Variants in STK32A observed in about 807,000 individuals in gnomAD.
STK32A encodes the protein serine/threonine-protein kinase 32A.
A neutral mutation model predicts 53.2 loss-of-function variants in STK32A; 41 were observed. The ratio of observed to expected loss-of-function variants is 0.77; its 90% CI spans 0.60 to 1.00. The LOEUF (loss-of-function observed/expected upper bound fraction) is 1.00. STK32A is among the 50% of genes least tolerant of loss of function. The pLI is 0.00. For synonymous variants in STK32A, 166 were observed against 162.8 expected (o/e 1.02, Z -0.15); for missense variants, 458 against 485.8 (o/e 0.94, Z 0.54).
At chr5:147,268,120 T>C (rs1343935660) in intron 2 of STK32A, among the ~76,000 whole-genome samples, 1 of 123,914 alleles carries the variant, frequency 8.1e-6, no homozygotes, top group African/African-American at 3.3e-5. Flanking sequence ...GAGAATCACG[T>C]CAGGACCATT....
chr5:147,321,863 T>G (rs1046869258), intron 4 of STK32A, among the ~76,000 whole-genome samples: 1 of 152,172 alleles, frequency 6.6e-6, no homozygotes, highest in African/African-American at 2.4e-5. Context: ...TTATGGTTAG[T>G]ACTCTCTTCT....
At chr5:147,257,366 A>AT (rs1754281995) in intron 2 of STK32A, among the ~76,000 whole-genome samples, 1 of 152,026 alleles carries the variant, frequency 6.6e-6, no homozygotes, top group African/African-American at 2.4e-5. Flanking sequence ...GCACAGAGGT[A>AT]TTTTTTCTGA....
chr5:147,381,804 C>G (rs978285604), intron 11 of STK32A, among the ~76,000 whole-genome samples: 1 of 152,090 alleles, frequency 6.6e-6, no homozygotes, highest in African/African-American at 2.4e-5. Context: ...CTCTTCTCCT[C>G]CTGGGACTTC....
intron 8 of STK32A, 56 bp downstream of exon 8, chr5:147,361,670 T>C: frequency 7.9e-7 from 1 of 1,270,274 alleles, no homozygotes; most frequent in Non-Finnish European, 1.1e-6. Context: ...TATTTTAGAA[T>C]GAAAGAATGT....
At chr5:147,370,918 A>G in intron 9 of STK32A, 148 bp downstream of exon 9, 2 of 473,424 alleles carry the variant, frequency 4.2e-6, no homozygotes, top group South Asian at 7.9e-5. Context: ...TTTCAAATAC[A>G]TGGCTTCATT....
chr5:147,297,686 T>A lies in STK32A; in HGVS notation c.260+18288T>A, dbSNP rs1029601583. Among the ~76,000 whole-genome samples the A allele has an allele frequency of 7.9e-5, 12 of 152,248 alleles. No homozygotes were observed. The East Asian group carries it at 2.3e-3, about 29-fold the overall frequency. The stretch of plus-strand genomic sequence containing the variant: ...AGCAGGGCATTTGAAGGATATTGTC[T>A]GGGCCGGGCATGGTGACTTAAATGT... On this transcript the variant is annotated intron_variant, in intron 4 of 12. Transcript: ENST00000397936.
chr5:147,293,850 CAAAT>C (rs1682962420), intron 4 of STK32A, among the ~76,000 whole-genome samples: 1 of 150,924 alleles, frequency 6.6e-6, no homozygotes, highest in Non-Finnish European at 1.5e-5. Context: ...AAAAGGCAAA[CAAAT>C]CTTTTACTGT....
rs77729935 is a variant in STK32A at position 147,244,730 on chromosome 5, G to T, written c.52+5044G>T. 5.6e-3 allele frequency among the ~76,000 whole-genome samples: 852 copies of T among 152,236 alleles called. 29 individuals carry two copies. The highest frequency in any genetic ancestry group is 0.045 in the Admixed American group (688 of 15,294). ...AATAATTACTAATGAATTAATTGAG[G>T]GGGAAACTTATTTAACCTTTGTAAG... On this transcript the variant is annotated intron_variant, in intron 2 of 12. Coordinates refer to ENST00000397936, the MANE Select transcript of STK32A (RefSeq NM_001112724.2).
downstream of STK32A, among the ~76,000 whole-genome samples, chr5:147,388,062 T>C (rs1757718566): frequency 6.6e-6 from 1 of 152,208 alleles, no homozygotes; most frequent in Admixed American, 6.5e-5. Flanking sequence ...GACCCACATG[T>C]ATAAAAACTA....
At chr5:147,274,474 C>T (rs553470841) in intron 2 of STK32A, among the ~76,000 whole-genome samples, 1 of 152,290 alleles carries the variant, frequency 6.6e-6, no homozygotes, top group African/African-American at 2.4e-5. Context: ...AAGTAAACAC[C>T]ACTAAGGTTA....
intron 4 of STK32A, among the ~76,000 whole-genome samples, chr5:147,303,877 G>A (rs751862650): frequency 1.3e-5 from 2 of 152,170 alleles, no homozygotes; most frequent in African/African-American, 2.4e-5. Context: ...TGGCCAGTAC[G>A]CAGTAATTGT....
intron 4 of STK32A, among the ~76,000 whole-genome samples, chr5:147,283,475 A>C (rs1318636936): frequency 6.6e-6 from 1 of 151,436 alleles, no homozygotes; most frequent in Non-Finnish European, 1.5e-5. Flanking sequence ...TGAAACAAAA[A>C]AAAAAAAAGA....
Position 147,370,870 on chromosome 5 carries a change from T to G in STK32A, c.777+100T>G, listed in dbSNP as rs1756979635. 67 of 732,296 alleles carry G rather than the reference T, an allele frequency of 9.1e-5. No homozygotes were observed. In the South Asian group the frequency reaches 1.0e-3, roughly 11 times the overall value. The allele number at this position is 732,296 out of a possible 1,614,324, so 45.4% of individuals were successfully genotyped here. On this transcript the variant is annotated intron_variant, in intron 9 of 12. Transcript: ENST00000397936. The stretch of plus-strand genomic sequence containing the variant: ...TATACAATATTGGGGACAGTCATGA[T>G]AGTATACATTTGTAGAGTGTATTTT...
chr5:147,401,988 T>G, the STK32A span: 2 of 282,452 alleles, frequency 7.1e-6, no homozygotes, highest in South Asian at 1.1e-4. Context: ...ATATACATAT[T>G]GATTTCAAGA....
At chr5:147,308,611 A>G (rs1361854405) in intron 4 of STK32A, among the ~76,000 whole-genome samples, 1 of 152,154 alleles carries the variant, frequency 6.6e-6, no homozygotes, top group Non-Finnish European at 1.5e-5. Flanking sequence ...CTTTTTCCCG[A>G]GTTCACAGGG....
At chr5:147,382,301 T>G (rs1402380077) in intron 11 of STK32A, among the ~76,000 whole-genome samples, 4 of 152,174 alleles carry the variant, frequency 2.6e-5, no homozygotes, top group East Asian at 3.8e-4. Context: ...TTTTCTATAT[T>G]TTTATTAATA....
intron 4 of STK32A, among the ~76,000 whole-genome samples, chr5:147,280,617 ACAG>A (rs1034848972): frequency 3.1e-4 from 45 of 147,448 alleles, no homozygotes; most frequent in Non-Finnish European, 5.3e-4. Context: ...CCCATTCCCC[ACAG>A]CAGCAGCAGC....
chr5:147,384,742 C>T lies in STK32A; in HGVS notation c.*759C>T. On this transcript the variant is annotated 3_prime_UTR_variant, in exon 13 of 13. Transcript: ENST00000397936. ...TGAATTGCTAAATATTAGCCCACCA[C>T]TCCTTCCAAGAAGCATGTTCCTTGA... 3.5e-6 allele frequency: 1 copy of T among 288,422 alleles called. No homozygotes were observed. Among genetic ancestry groups the T allele is most frequent in the African/African-American group, 2.2e-5 (1 of 46,094 alleles). 17.9% of individuals were successfully genotyped at this position (288,422 alleles called of 1,614,324 possible).
At chr5:147,250,346 G>A (rs1374566175) in intron 2 of STK32A, among the ~76,000 whole-genome samples, 2 of 152,146 alleles carry the variant, frequency 1.3e-5, no homozygotes, top group East Asian at 3.9e-4. Context: ...CTACGGGGAT[G>A]GCTAAGTCTG....
Sources: allele counts gnomAD v4.1 joint callset (sites outside exome capture counted in the v4.1 genomes callset), GRCh38; gene constraint gnomAD v4.1.1; transcripts MANE v1.5; gene names NCBI Gene and HGNC (gene_info 2026-07-23, HGNC 2026-07-21).